Variants in GTF3C1 observed in about 807,000 individuals in gnomAD.
GTF3C1 encodes general transcription factor IIIC subunit 1, also known as general transcription factor 3C polypeptide 1.
Under a neutral mutation model 226.7 loss-of-function variants are expected in GTF3C1, and 57 were observed. That is an observed-to-expected ratio of 0.25 (90% CI 0.20 to 0.31). The LOEUF (loss-of-function observed/expected upper bound fraction) is 0.31. GTF3C1 is among the 10% of genes least tolerant of loss of function. GTF3C1 has a pLI of 1.00. For synonymous variants in GTF3C1, 1,090 were observed against 1,084.8 expected (o/e 1.00, Z -0.09); for missense variants, 2,217 against 2,776.1 (o/e 0.80, Z 4.53).
At chr16:27,498,134 C>G (rs1301385478) in intron 13 of GTF3C1, among the ~76,000 whole-genome samples, 1 of 152,158 alleles carries the variant, frequency 6.6e-6, no homozygotes, top group East Asian at 1.9e-4. Flanking sequence ...AGAAATTAAC[C>G]AGCAACTGAT....
rs781044882 is a variant in GTF3C1, at chr16:27,464,573, G to A, written c.5619C>T (p.Thr1873=). ...RASWASENGE[T]DAEGTQMTPA... ...GGGTCATCTGGGTGCCCTCGGCGTCGGTCTCCCCATTCTCACTGGCCCAGC... is the reference window on the plus strand; with the variant it reads ...GGGTCATCTGGGTGCCCTCGGCGTCAGTCTCCCCATTCTCACTGGCCCAGC... The change falls in exon 34 of 37, where the codon ACC becomes ACT. Residue 1873 remains threonine, a synonymous_variant. Transcript: ENST00000356183. The A allele has an allele frequency of 4.8e-5, 72 of 1,489,530 alleles. 1 individual carries two copies. Among genetic ancestry groups the A allele is most frequent in the South Asian group, 3.6e-4 (26 of 71,918 alleles). 92.3% of individuals were successfully genotyped at this position (1,489,530 alleles called of 1,614,324 possible). A position where few individuals can be genotyped will look rare whatever the true frequency, so the allele number is the denominator to read the frequency against.
At chr16:27,511,996 G>A (rs1157116565) in intron 6 of GTF3C1, 95 bp from the exon 7 acceptor site, 3 of 1,368,560 alleles carry the variant, frequency 2.2e-6, no homozygotes, top group Middle Eastern at 2.5e-4. Flanking sequence ...CATGTCAGCA[G>A]AGACAGAGAT....
intron 1 of GTF3C1, 21 bp downstream of exon 1, chr16:27,549,649 C>CCCCCCCCG: frequency 7.5e-7 from 1 of 1,339,400 alleles, no homozygotes; most frequent in Non-Finnish European, 1.0e-6. Context: ...GCCCGCCCGC[C>CCCCCCCCG]AGGCCAGGCC....
chr16:27,536,765 A>G (rs534398089), intron 4 of GTF3C1, among the ~76,000 whole-genome samples: 1 of 152,240 alleles, frequency 6.6e-6, no homozygotes, highest in South Asian at 2.1e-4. Flanking sequence ...CTGAGGGCTC[A>G]GGGCTTCCTC....
chr16:27,482,895 G>T, intron 26 of GTF3C1, 149 bp downstream of exon 26: 1 of 663,812 alleles, frequency 1.5e-6, no homozygotes, highest in Non-Finnish European at 2.7e-6. Flanking sequence ...CAACACCAGA[G>T]AGCTGACTCG....
At chr16:27,501,144 C>T (rs1596637283) in intron 12 of GTF3C1, 47 bp downstream of exon 12, 1 of 1,546,682 alleles carries the variant, frequency 6.5e-7, no homozygotes, top group Non-Finnish European at 8.9e-7. Context: ...ACAAAAACTT[C>T]CAACAGCACG....
chr16:27,462,245 G>T lies in GTF3C1; in HGVS notation c.6117+49C>A. 7.3e-7 allele frequency: 1 copy of T among 1,369,768 alleles called. No homozygotes were observed. Among genetic ancestry groups the T allele is most frequent in the Non-Finnish European group, 1.0e-6 (1 of 997,216 alleles). 84.9% of individuals were successfully genotyped at this position (1,369,768 alleles called of 1,614,324 possible). Reference sequence around the variant, plus strand: ...CTGAACATCACAGCCGGGCCACTGAGTGCACCCAGCCGCCTCCACACCCTG... The same window carrying T: ...CTGAACATCACAGCCGGGCCACTGATTGCACCCAGCCGCCTCCACACCCTG... On this transcript the variant is annotated intron_variant, in intron 36 of 36. Coordinates refer to ENST00000356183, the MANE Select transcript of GTF3C1 (RefSeq NM_001520.4). The surrounding 1 kb of genome is among the most constrained non-coding windows in gnomAD (Gnocchi z 4.5).
chr16:27,501,845 A>C (rs944571454), intron 11 of GTF3C1, among the ~76,000 whole-genome samples: 1 of 152,192 alleles, frequency 6.6e-6, no homozygotes, highest in Non-Finnish European at 1.5e-5. Context: ...GCTCATGCCT[A>C]TAATACCAGC....
chr16:27,490,460 A>C (rs1255086556), intron 19 of GTF3C1, among the ~76,000 whole-genome samples: 3 of 152,150 alleles, frequency 2.0e-5, no homozygotes. Flanking sequence ...GTGGGAGCTC[A>C]GGGCCTCACC....
chr16:27,518,716 TGA>T, intron 6 of GTF3C1, among the ~76,000 whole-genome samples: 1 of 152,280 alleles, frequency 6.6e-6, no homozygotes, highest in South Asian at 2.1e-4. Context: ...GTTGTGTGTG[TGA>T]GAGAGGCCGT....
intron 12 of GTF3C1, 61 bp downstream of exon 12, chr16:27,501,130 C>A: frequency 7.1e-7 from 1 of 1,402,206 alleles, no homozygotes. Context: ...ACAAGAGAAG[C>A]TAGACAAAAA....
At position 27,463,673 on chromosome 16, in the gene GTF3C1, T is replaced by C; in HGVS notation, c.5873-81A>G. ...GCCCTCCAACCTTCAGCATGGTACC[T>C]AGCATGAGCAGGGCACCTCGAGGCT... is the stretch of plus-strand genomic sequence containing the variant. On this transcript the variant is annotated intron_variant, in intron 34 of 36. Coordinates refer to ENST00000356183, the MANE Select transcript of GTF3C1 (RefSeq NM_001520.4). This position sits in a 1 kb window ranked among gnomAD's most constrained non-coding sequence, Gnocchi z 4.9. The C allele has an allele frequency of 1.2e-6, 1 of 812,034 alleles. No individual in the cohort carries two copies. Among genetic ancestry groups the C allele is most frequent in the Middle Eastern group, 2.2e-4 (1 of 4,498 alleles). 50.3% of individuals were successfully genotyped at this position (812,034 alleles called of 1,614,324 possible). A position where few individuals can be genotyped will look rare whatever the true frequency, so the allele number is the denominator to read the frequency against.
At chr16:27,475,702 C>T (rs971658810) in intron 29 of GTF3C1, among the ~76,000 whole-genome samples, 3 of 152,176 alleles carry the variant, frequency 2.0e-5, no homozygotes, top group Admixed American at 1.3e-4. Flanking sequence ...CTCTCATGTT[C>T]TTTCAGCCGC....
chr16:27,520,502 C>T (rs1052714999), intron 6 of GTF3C1, among the ~76,000 whole-genome samples: 29 of 152,192 alleles, frequency 1.9e-4, no homozygotes, highest in African/African-American at 7.0e-4. Context: ...TATGGCATCT[C>T]ACCCAGTTCT....
chr16:27,467,836 C>T (rs1194796040), intron 32 of GTF3C1, among the ~76,000 whole-genome samples: 2 of 152,118 alleles, frequency 1.3e-5, no homozygotes, highest in African/African-American at 4.8e-5. Flanking sequence ...TGCCGCCGCA[C>T]TCCAGTCCGG....
intron 6 of GTF3C1, among the ~76,000 whole-genome samples, chr16:27,515,127 A>G (rs2088637247): frequency 6.6e-6 from 1 of 152,228 alleles, no homozygotes; most frequent in Non-Finnish European, 1.5e-5. Context: ...GGCAAAAAAG[A>G]GAAAAAGCCT....
intron 33 of GTF3C1, 60 bp from the exon 34 acceptor site, chr16:27,464,896 C>G: frequency 7.3e-7 from 1 of 1,378,190 alleles, no homozygotes; most frequent in Non-Finnish European, 9.6e-7. Flanking sequence ...ACGCTGGTGA[C>G]GGGGGACGAG....
At position 27,465,872 on chromosome 16, in the gene GTF3C1, G is replaced by A; in HGVS notation, c.5075-332C>T. ...CTGTAAAGTCCAGTGCTCTGACGGG[G>A]AGTCCCTGACCAGGGCTGGCCTGGT... is the stretch of plus-strand genomic sequence containing the variant. On this transcript the variant is annotated intron_variant, in intron 32 of 36. Transcript: ENST00000356183. The A allele has an allele frequency of 1.2e-5, 4 of 326,370 alleles. 1 individual carries two copies. In the South Asian group the frequency reaches 1.4e-4, roughly 11 times the overall value. 20.2% of individuals were successfully genotyped at this position (326,370 alleles called of 1,614,324 possible).
At chr16:27,480,713 G>C (rs148568477) in intron 27 of GTF3C1, 272 of 200,892 alleles carry the variant, frequency 1.4e-3, no homozygotes, top group African/African-American at 5.6e-3. Context: ...TCCAAATGCC[G>C]AGTGGTTACA....
Sources: allele counts gnomAD v4.1 joint callset (sites outside exome capture counted in the v4.1 genomes callset), GRCh38; gene constraint gnomAD v4.1.1; non-coding constraint Gnocchi (gnomAD v3.1); transcripts MANE v1.5; gene names NCBI Gene and HGNC (gene_info 2026-07-23, HGNC 2026-07-21).